Variants in GRM7 observed in about 807,000 individuals in gnomAD.
GRM7 encodes metabotropic glutamate receptor 7.
In GRM7, 35 loss-of-function variants were observed where a neutral mutation model predicts 84.5. That is an observed-to-expected ratio of 0.41 (90% CI 0.32 to 0.55). The LOEUF (loss-of-function observed/expected upper bound fraction) is 0.55. Among genes scored for constraint, GRM7 ranks in the 20% least tolerant of loss-of-function variants. GRM7 has a pLI of 0.19. For missense variants in GRM7, 1,003 were observed against 1,194.6 expected (o/e 0.84, Z 2.36); for synonymous variants, 487 against 455.1 (o/e 1.07, Z -0.89).
chr3:7,577,105 T>C (rs1389622630), intron 7 of GRM7, among the ~76,000 whole-genome samples: 1 of 152,170 alleles, frequency 6.6e-6, no homozygotes, highest in Non-Finnish European at 1.5e-5. Context: ...TTTTATCCTA[T>C]GTGACCTCAG....
At chr3:7,628,783 T>A (rs1697735988) in intron 8 of GRM7, among the ~76,000 whole-genome samples, 1 of 152,132 alleles carries the variant, frequency 6.6e-6, no homozygotes, top group Non-Finnish European at 1.5e-5. Context: ...TCCCAGCACT[T>A]GGCCCAGGTC....
intron 1 of GRM7, among the ~76,000 whole-genome samples, chr3:6,913,802 A>C (rs547281134): frequency 6.6e-6 from 1 of 152,182 alleles, no homozygotes; most frequent in Non-Finnish European, 1.5e-5. Context: ...AGCTTGATGC[A>C]ATAGATAGAT....
chr3:7,719,646 A>G (rs958109748), intron 9 of GRM7, among the ~76,000 whole-genome samples: 6 of 152,204 alleles, frequency 3.9e-5, no homozygotes, highest in Admixed American at 3.3e-4. Flanking sequence ...CCCCATCTCT[A>G]CTAAAAGTGC....
At chr3:7,074,968 A>C (rs1421998354) in intron 1 of GRM7, among the ~76,000 whole-genome samples, 2 of 152,208 alleles carry the variant, frequency 1.3e-5, no homozygotes, top group Non-Finnish European at 2.9e-5. Context: ...ACTGCATCTC[A>C]CTTCAGTGAT....
At chr3:7,253,472 C>A (rs149622854) in intron 2 of GRM7, among the ~76,000 whole-genome samples, 119 of 151,930 alleles carry the variant, frequency 7.8e-4, no homozygotes, top group Non-Finnish European at 7.4e-5. Flanking sequence ...AAAAAATTAG[C>A]CAGGCATGGT....
chr3:7,063,176 C>A (rs968109434), intron 1 of GRM7, among the ~76,000 whole-genome samples: 1 of 151,748 alleles, frequency 6.6e-6, no homozygotes, highest in Non-Finnish European at 1.5e-5. Context: ...GGTCTTGTGA[C>A]ACAGCCCTCT....
In GRM7 at chr3:7,078,109, G is replaced by A. The variant is rs1018197876; in HGVS notation, c.520-68343G>A. ...TGCAGGCCATAGCTTGCTGAACCCT[G>A]ATGAAAAGAGAAGGCTTTGCAATTA... On this transcript the variant is annotated intron_variant, in intron 1 of 9. Coordinates refer to ENST00000357716, the MANE Select transcript of GRM7 (RefSeq NM_000844.4). 2.6e-5 allele frequency among the ~76,000 whole-genome samples: 4 copies of A among 152,140 alleles called. No homozygotes were observed. The East Asian group carries it at 7.7e-4, about 29-fold the overall frequency.
At chr3:7,286,787 T>G (rs13067602) in intron 2 of GRM7, among the ~76,000 whole-genome samples, 50,335 of 152,088 alleles carry the variant, frequency 0.33, 10,089 homozygotes, top group East Asian at 0.51. Flanking sequence ...ATTAAAGGTA[T>G]GATTTTATTT....
intron 8 of GRM7, among the ~76,000 whole-genome samples, chr3:7,664,781 A>G (rs913051721): frequency 3.9e-5 from 6 of 152,298 alleles, no homozygotes; most frequent in South Asian, 2.1e-4. Context: ...GGGGCACTCA[A>G]TGCTTACTTG....
intron 9 of GRM7, among the ~76,000 whole-genome samples, chr3:7,711,822 A>G (rs1257016645): frequency 6.6e-6 from 1 of 152,224 alleles, no homozygotes; most frequent in Non-Finnish European, 1.5e-5. Flanking sequence ...AAGCCACTCC[A>G]AGGTGTTTCA....
At chr3:7,073,941 A>G (rs1697972810) in intron 1 of GRM7, among the ~76,000 whole-genome samples, 1 of 150,484 alleles carries the variant, frequency 6.6e-6, no homozygotes, top group Admixed American at 6.6e-5. Context: ...TCACAAAGAT[A>G]TAAATGAGGA....
intron 7 of GRM7, among the ~76,000 whole-genome samples, chr3:7,478,615 C>A (rs920515161): frequency 1.3e-5 from 2 of 152,096 alleles, no homozygotes; most frequent in Admixed American, 6.6e-5. Flanking sequence ...GGTCCTGAAG[C>A]CTCCTGTCTT....
chr3:7,513,458 T>C (rs750964673), intron 7 of GRM7, among the ~76,000 whole-genome samples: 1 of 152,160 alleles, frequency 6.6e-6, no homozygotes, highest in Non-Finnish European at 1.5e-5. Context: ...TTGGTATTCC[T>C]GCCTCCTCCA....
At chr3:6,886,125 A>G (rs1026434914) in intron 1 of GRM7, among the ~76,000 whole-genome samples, 4 of 151,496 alleles carry the variant, frequency 2.6e-5, no homozygotes, top group Admixed American at 2.0e-4. Flanking sequence ...GTGTGTGTGT[A>G]TGGTGAGGAC....
intron 1 of GRM7, among the ~76,000 whole-genome samples, chr3:6,971,865 T>C (rs1362046320): frequency 1.3e-5 from 2 of 152,200 alleles, no homozygotes; most frequent in Non-Finnish European, 2.9e-5. Flanking sequence ...ATCATGGTTG[T>C]TTTATTAAAA....
At chr3:7,234,723 TAA>T (rs1184567345) in intron 2 of GRM7, among the ~76,000 whole-genome samples, 2 of 152,134 alleles carry the variant, frequency 1.3e-5, no homozygotes, top group Admixed American at 1.3e-4. Context: ...ATCATTAGTT[TAA>T]AAAAAGACTT....
At chr3:7,359,888 TCAAA>T (rs1156494446) in intron 4 of GRM7, among the ~76,000 whole-genome samples, 2 of 148,398 alleles carry the variant, frequency 1.3e-5, no homozygotes, top group Non-Finnish European at 3.0e-5. Flanking sequence ...GAATTGGGTC[TCAAA>T]CAGATTGTTC....
Position 7,508,193 on chromosome 3 carries a change from C to T in GRM7, c.1515+46471C>T, listed in dbSNP as rs185701805. 3.9e-3 allele frequency among the ~76,000 whole-genome samples: 595 copies of T among 151,998 alleles called. 5 individuals are homozygous for T. Among genetic ancestry groups the T allele is most frequent in the African/African-American group, 0.014 (561 of 41,438 alleles). On this transcript the variant is annotated intron_variant, in intron 7 of 9. Transcript: ENST00000357716. Reference sequence around the variant, plus strand: ...AATAGCTGTAGTGAACCTATCAAAACCAGAATATATGGGCTAGGGTTTAGT... The same window carrying T: ...AATAGCTGTAGTGAACCTATCAAAATCAGAATATATGGGCTAGGGTTTAGT...
At chr3:7,508,602 A>G (rs1197744736) in intron 7 of GRM7, among the ~76,000 whole-genome samples, 1 of 152,170 alleles carries the variant, frequency 6.6e-6, no homozygotes, top group Non-Finnish European at 1.5e-5. Context: ...TGAGTCTGGA[A>G]TATATTCCCA....
Sources: allele counts gnomAD v4.1 joint callset (sites outside exome capture counted in the v4.1 genomes callset), GRCh38; gene constraint gnomAD v4.1.1; transcripts MANE v1.5; gene names NCBI Gene and HGNC (gene_info 2026-07-23, HGNC 2026-07-21).